Variants in PCDH9 observed in about 807,000 individuals in gnomAD.
PCDH9 encodes protocadherin 9, also known as protocadherin-9.
A neutral mutation model predicts 70.6 loss-of-function variants in PCDH9; 24 were observed. That is an observed-to-expected ratio of 0.34 (90% CI 0.25 to 0.48). The LOEUF is 0.48. PCDH9 is among the 20% of genes least tolerant of loss of function. The pLI is 0.99. For synonymous variants in PCDH9, 562 were observed against 558.5 expected (o/e 1.01, Z -0.09); for missense variants, 1,281 against 1,503.6 (o/e 0.85, Z 2.45).
At chr13:66,673,143 A>G (rs1158678115) in intron 3 of PCDH9, among the ~76,000 whole-genome samples, 1 of 152,186 alleles carries the variant, frequency 6.6e-6, no homozygotes, top group Admixed American at 6.5e-5. Flanking sequence ...TGTAGCTCTC[A>G]TAATCCCCTC....
chr13:66,435,354 C>T (rs559618365), intron 4 of PCDH9, among the ~76,000 whole-genome samples: 67 of 152,150 alleles, frequency 4.4e-4, no homozygotes, highest in East Asian at 3.1e-3. Flanking sequence ...GTGAGTTTTA[C>T]GACATTATCT....
chr13:66,826,724 G>A (rs745812783), intron 3 of PCDH9, among the ~76,000 whole-genome samples: 1 of 152,094 alleles, frequency 6.6e-6, no homozygotes, highest in Non-Finnish European at 1.5e-5. Flanking sequence ...TGGGAAGAAA[G>A]GAAGATTTTA....
intron 4 of PCDH9, among the ~76,000 whole-genome samples, chr13:66,370,258 T>A (rs947639462): frequency 1.3e-5 from 2 of 151,816 alleles, no homozygotes. Flanking sequence ...AAAAATAGAG[T>A]CCCTGTCTCC....
intron 4 of PCDH9, among the ~76,000 whole-genome samples, chr13:66,474,249 C>G (rs1345369253): frequency 1.3e-5 from 2 of 152,174 alleles, no homozygotes; most frequent in Non-Finnish European, 2.9e-5. Context: ...CCATGGCACA[C>G]AGAACACAAA....
intron 4 of PCDH9, among the ~76,000 whole-genome samples, chr13:66,427,190 G>T (rs1324678978): frequency 6.6e-6 from 1 of 151,522 alleles, no homozygotes; most frequent in Non-Finnish European, 1.5e-5. Flanking sequence ...TCATGAACCT[G>T]TGAGGAATAA....
chr13:66,501,416 C>T (rs1316865264), intron 4 of PCDH9, among the ~76,000 whole-genome samples: 1 of 152,014 alleles, frequency 6.6e-6, no homozygotes, highest in African/African-American at 2.4e-5. Context: ...TCTCCTGTGT[C>T]ATAAAGAATT....
intron 4 of PCDH9, among the ~76,000 whole-genome samples, chr13:66,393,355 C>T (rs1194482171): frequency 6.6e-6 from 1 of 152,130 alleles, no homozygotes; most frequent in African/African-American, 2.4e-5. Flanking sequence ...AGGCACAGCA[C>T]CACTGCTAAC....
intron 4 of PCDH9, among the ~76,000 whole-genome samples, chr13:66,594,468 G>GTTTATTTTATTTTAT (rs57782546): frequency 2.9e-5 from 4 of 139,586 alleles, no homozygotes; most frequent in African/African-American, 1.1e-4. Context: ...GTTACTTTTT[G>GTTTATTTTATTTTAT]TTTATTTTAT....
At chr13:66,659,553 T>TGTGTGTG (rs59132032) in intron 3 of PCDH9, among the ~76,000 whole-genome samples, 3,040 of 148,854 alleles carry the variant, frequency 0.02, 64 homozygotes, top group Non-Finnish European at 0.029. Context: ...GTGTGTGTGT[T>TGTGTGTG]TGTGTGTGTT....
intron 2 of PCDH9, among the ~76,000 whole-genome samples, chr13:66,957,883 T>C (rs545473788): frequency 6.6e-6 from 1 of 152,248 alleles, no homozygotes; most frequent in African/African-American, 2.4e-5. Flanking sequence ...TATCTTGAGG[T>C]AACTAATACA....
intron 2 of PCDH9, among the ~76,000 whole-genome samples, chr13:67,178,026 T>C (rs922263855): frequency 1.3e-5 from 2 of 152,032 alleles, no homozygotes; most frequent in African/African-American, 4.8e-5. Context: ...ATGGAAAACA[T>C]CTTTGAAACA....
At chr13:66,956,877 C>G (rs959233624) in intron 2 of PCDH9, among the ~76,000 whole-genome samples, 1 of 152,140 alleles carries the variant, frequency 6.6e-6, no homozygotes, top group Non-Finnish European at 1.5e-5. Context: ...CCAAAACATA[C>G]CCAGGAATTA....
intron 2 of PCDH9, among the ~76,000 whole-genome samples, chr13:66,927,779 C>A (rs2082740195): frequency 6.6e-6 from 1 of 152,022 alleles, no homozygotes; most frequent in South Asian, 2.1e-4. Flanking sequence ...ACTCCAGTGA[C>A]CTCATTATAG....
intron 4 of PCDH9, among the ~76,000 whole-genome samples, chr13:66,578,368 T>C (rs983168825): frequency 6.6e-6 from 1 of 152,024 alleles, no homozygotes; most frequent in Non-Finnish European, 1.5e-5. Flanking sequence ...ACAAATTGTT[T>C]CATGAGCTAC....
At chr13:66,828,953 C>T (rs928989411) in intron 3 of PCDH9, among the ~76,000 whole-genome samples, 9 of 152,030 alleles carry the variant, frequency 5.9e-5, no homozygotes, top group African/African-American at 2.2e-4. Flanking sequence ...GTGTTATATA[C>T]AACCATATAA....
At chr13:66,988,623 C>T (rs185917771) in intron 2 of PCDH9, among the ~76,000 whole-genome samples, 7 of 151,222 alleles carry the variant, frequency 4.6e-5, no homozygotes, top group East Asian at 1.9e-4. Context: ...ATTTCCCAGA[C>T]GGAATGTAAA....
chr13:66,471,244 G>A (rs185953337), intron 4 of PCDH9, among the ~76,000 whole-genome samples: 3 of 152,168 alleles, frequency 2.0e-5, no homozygotes, highest in Admixed American at 1.3e-4. Context: ...AATGAGAAAA[G>A]GTGATTGTTA....
chr13:66,771,266 G>C (rs1246752729), intron 3 of PCDH9, among the ~76,000 whole-genome samples: 1 of 152,058 alleles, frequency 6.6e-6, no homozygotes, highest in Non-Finnish European at 1.5e-5. Context: ...TCTTAATATA[G>C]TAATTGGTTT....
At chr13:66,636,823 A>G (rs985184506) in intron 3 of PCDH9, among the ~76,000 whole-genome samples, 6 of 152,066 alleles carry the variant, frequency 3.9e-5, no homozygotes, top group African/African-American at 1.4e-4. Flanking sequence ...GAACTAAAAT[A>G]CAAAACCATG....
Sources: allele counts gnomAD v4.1 joint callset (sites outside exome capture counted in the v4.1 genomes callset), GRCh38; gene constraint gnomAD v4.1.1; transcripts MANE v1.5; gene names NCBI Gene and HGNC (gene_info 2026-07-23, HGNC 2026-07-21).